NRXN1: variants seen among roughly 807,000 people sequenced by gnomAD.
NRXN1 encodes neurexin 1.
In NRXN1, 39 loss-of-function variants were observed where a neutral mutation model predicts 150.9. The ratio of observed to expected loss-of-function variants is 0.26; its 90% CI spans 0.20 to 0.34. The LOEUF is 0.34. Ranked by LOEUF, NRXN1 falls within the 10% of genes least tolerant of loss-of-function variation. The pLI, the probability that NRXN1 is intolerant of heterozygous loss-of-function variation, is 1.00. For synonymous variants in NRXN1, 924 were observed against 757.0 expected (o/e 1.22, Z -3.62); for missense variants, 1,815 against 1,949.9 (o/e 0.93, Z 1.30).
rs1478630319 is a variant in NRXN1, at chr2:50,863,431, T to A, written c.832+58438A>T. Among the ~76,000 whole-genome samples, 4 of 152,052 alleles carry A rather than the reference T, an allele frequency of 2.6e-5. No homozygotes were observed. In the East Asian group the frequency reaches 7.8e-4, roughly 30 times the overall value. ...GGGTTTGTGTGTGTGTTAAACTGTA[T>A]TGAGTTTCAGAGTAAACCTGCTTCA... is the stretch of plus-strand genomic sequence containing the variant. On this transcript the variant is annotated intron_variant, in intron 5 of 22. Coordinates refer to ENST00000401669, the MANE Select transcript of NRXN1 (RefSeq NM_001330078.2).
chr2:50,409,593 G>T (rs940347934), intron 17 of NRXN1, among the ~76,000 whole-genome samples: 2 of 152,208 alleles, frequency 1.3e-5, no homozygotes, highest in African/African-American at 4.8e-5. Flanking sequence ...CTTTCAAACA[G>T]TACATAATTA....
chr2:50,011,646 A>C (rs1332213812), intron 21 of NRXN1, among the ~76,000 whole-genome samples: 2 of 152,080 alleles, frequency 1.3e-5, no homozygotes, highest in Non-Finnish European at 2.9e-5. Context: ...AGGCTGGTCA[A>C]GTTGCCAGCC....
intron 21 of NRXN1, among the ~76,000 whole-genome samples, chr2:49,952,817 A>G (rs1429884139): frequency 2.6e-5 from 4 of 152,106 alleles, no homozygotes; most frequent in African/African-American, 7.2e-5. Flanking sequence ...TGCCAATGAG[A>G]TATTCATCTT....
chr2:50,358,048 C>T (rs1423234131), intron 17 of NRXN1, among the ~76,000 whole-genome samples: 2 of 152,076 alleles, frequency 1.3e-5, no homozygotes, highest in East Asian at 1.9e-4. Flanking sequence ...GCTATCCAGC[C>T]CACGCACTAG....
chr2:50,564,522 T>C (rs1669573308), intron 8 of NRXN1, among the ~76,000 whole-genome samples: 1 of 152,168 alleles, frequency 6.6e-6, no homozygotes, highest in Non-Finnish European at 1.5e-5. Flanking sequence ...TAAAGTAATA[T>C]TTTTTATTTT....
At chr2:50,958,189 T>C (rs1354847669) in intron 2 of NRXN1, among the ~76,000 whole-genome samples, 2 of 152,116 alleles carry the variant, frequency 1.3e-5, no homozygotes, top group Non-Finnish European at 2.9e-5. Flanking sequence ...GAAAGTGTGG[T>C]CAAGGGAACG....
At chr2:50,562,329 C>CGATAGATAGATAGATA (rs70948719) in intron 8 of NRXN1, among the ~76,000 whole-genome samples, 2,200 of 149,990 alleles carry the variant, frequency 0.015, 40 homozygotes, top group East Asian at 0.048. Context: ...GATAGATATA[C>CGATAGATAGATAGATA]GATAGATAGA....
chr2:50,091,713 C>G (rs147946704), intron 18 of NRXN1, among the ~76,000 whole-genome samples: 191 of 152,300 alleles, frequency 1.3e-3, no homozygotes, highest in African/African-American at 4.4e-3. Context: ...AAAAGGCACA[C>G]TTTCAAGGGA....
intron 5 of NRXN1, among the ~76,000 whole-genome samples, chr2:50,826,587 TG>T (rs1406819555): frequency 1.4e-4 from 21 of 152,092 alleles, no homozygotes; most frequent in Non-Finnish European, 2.8e-4. Flanking sequence ...CTTCAATTGT[TG>T]GGGTGATTAT....
chr2:50,134,621 C>A (rs1706099526), intron 18 of NRXN1, among the ~76,000 whole-genome samples: 1 of 152,168 alleles, frequency 6.6e-6, no homozygotes, highest in South Asian at 2.1e-4. Context: ...CCAGCCCCAT[C>A]CCAAATGTGA....
intron 5 of NRXN1, among the ~76,000 whole-genome samples, chr2:50,893,752 T>A (rs1489586471): frequency 2.6e-5 from 4 of 152,186 alleles, no homozygotes; most frequent in Admixed American, 1.3e-4. Context: ...AGTAAGACTT[T>A]CTATTTCTGG....
chr2:50,715,817 T>C (rs1315398585), intron 5 of NRXN1, among the ~76,000 whole-genome samples: 1 of 152,200 alleles, frequency 6.6e-6, no homozygotes, highest in African/African-American at 2.4e-5. Flanking sequence ...AGTTTCCATA[T>C]ATTAATCTCC....
intron 21 of NRXN1, among the ~76,000 whole-genome samples, chr2:49,979,573 A>T (rs1021916984): frequency 6.6e-6 from 1 of 152,204 alleles, no homozygotes; most frequent in African/African-American, 2.4e-5. Flanking sequence ...CACTACAGTC[A>T]TGATGAATAG....
chr2:50,828,771 C>T (rs1670923238), intron 5 of NRXN1, among the ~76,000 whole-genome samples: 2 of 151,830 alleles, frequency 1.3e-5, no homozygotes, highest in African/African-American at 4.8e-5. Context: ...AGGGGCTCCT[C>T]ATGTCCCAGA....
intron 9 of NRXN1, among the ~76,000 whole-genome samples, chr2:50,545,016 T>G (rs921967099): frequency 3.3e-5 from 5 of 152,198 alleles, no homozygotes; most frequent in African/African-American, 1.2e-4. Flanking sequence ...ATAAGTATTT[T>G]ATGTGTGTGA....
chr2:50,854,717 C>T (rs915737853), intron 5 of NRXN1, among the ~76,000 whole-genome samples: 1 of 152,022 alleles, frequency 6.6e-6, no homozygotes, highest in Non-Finnish European at 1.5e-5. Context: ...CAACGTTAAG[C>T]GGTTTCAGTA....
At chr2:50,907,390 C>A (rs1437101670) in intron 5 of NRXN1, among the ~76,000 whole-genome samples, 1 of 152,006 alleles carries the variant, frequency 6.6e-6, no homozygotes, top group African/African-American at 2.4e-5. Flanking sequence ...CTTTGATTAA[C>A]TAAGTTTGTT....
intron 2 of NRXN1, among the ~76,000 whole-genome samples, chr2:50,997,817 T>C (rs1305842815): frequency 7.0e-6 from 1 of 142,260 alleles, no homozygotes; most frequent in African/African-American, 2.9e-5. Flanking sequence ...CACATTTTCA[T>C]TTAGACAATT....
chr2:50,658,113 T>A (rs1250480549), intron 5 of NRXN1, among the ~76,000 whole-genome samples: 1 of 152,072 alleles, frequency 6.6e-6, no homozygotes, highest in East Asian at 1.9e-4. Flanking sequence ...TTCCTTTGTT[T>A]AGTTCAATGT....
Sources: allele counts gnomAD v4.1 joint callset (sites outside exome capture counted in the v4.1 genomes callset), GRCh38; gene constraint gnomAD v4.1.1; transcripts MANE v1.5; gene names NCBI Gene and HGNC (gene_info 2026-07-23, HGNC 2026-07-21).